Variants in GRIA1 observed in about 807,000 individuals in gnomAD.
The protein encoded by GRIA1 is glutamate receptor 1.
In GRIA1, 31 loss-of-function variants were observed where a neutral mutation model predicts 99.2. The ratio of observed to expected loss-of-function variants is 0.31; its 90% CI spans 0.23 to 0.42. GRIA1 has a LOEUF of 0.42. Ranked by LOEUF, GRIA1 falls within the 10% of genes least tolerant of loss-of-function variation. The probability of loss-of-function intolerance (pLI) is 1.00; values close to 1 mark genes in which losing one functional copy is unlikely to be tolerated. For synonymous variants in GRIA1, 438 were observed against 432.4 expected, an observed-to-expected ratio of 1.01 and a Z score of -0.16; for missense variants, 782 against 1,157.5, an observed-to-expected ratio of 0.68 and a Z score of 4.71.
At chr5:153,712,953 C>T (rs536280281) in intron 11 of GRIA1, among the ~76,000 whole-genome samples, 3 of 152,350 alleles carry the variant, frequency 2.0e-5, no homozygotes, top group African/African-American at 7.2e-5. Context: ...TCCCCACCCA[C>T]TTCTGCCCCA....
At chr5:153,622,868 C>T (rs113265937) in intron 2 of GRIA1, among the ~76,000 whole-genome samples, 1,579 of 152,310 alleles carry the variant, frequency 0.01, 26 homozygotes, top group African/African-American at 0.036. Flanking sequence ...TAGCCTATTA[C>T]TGTTCAAGTT....
chr5:153,497,487 C>T (rs778362653), intron 2 of GRIA1, among the ~76,000 whole-genome samples: 17 of 152,146 alleles, frequency 1.1e-4, no homozygotes, highest in African/African-American at 1.7e-4. Context: ...CTGGGCCAGA[C>T]GCTAGGAATA....
At chr5:153,773,398 T>C (rs1764010910) in intron 13 of GRIA1, among the ~76,000 whole-genome samples, 1 of 152,138 alleles carries the variant, frequency 6.6e-6, no homozygotes, top group Non-Finnish European at 1.5e-5. Flanking sequence ...CCTTTGCACC[T>C]ATTCACATGA....
intron 2 of GRIA1, among the ~76,000 whole-genome samples, chr5:153,606,532 A>C (rs1765452484): frequency 6.6e-6 from 1 of 152,058 alleles, no homozygotes; most frequent in African/African-American, 2.4e-5. Context: ...CCCAGAGCAT[A>C]GTATATTGCT....
intron 12 of GRIA1, among the ~76,000 whole-genome samples, chr5:153,767,960 C>T (rs1210934194): frequency 6.6e-6 from 1 of 152,182 alleles, no homozygotes; most frequent in Non-Finnish European, 1.5e-5. Flanking sequence ...GCTGAGAGGA[C>T]ATATTAATTT....
intron 8 of GRIA1, among the ~76,000 whole-genome samples, chr5:153,687,682 C>A (rs1581471447): frequency 2.0e-5 from 3 of 152,288 alleles, no homozygotes; most frequent in Non-Finnish European, 4.4e-5. Context: ...AGATGTAGAA[C>A]ATTTACATCA....
intron 2 of GRIA1, among the ~76,000 whole-genome samples, chr5:153,546,402 T>G (rs1759622683): frequency 6.6e-6 from 1 of 152,218 alleles, no homozygotes; most frequent in South Asian, 2.1e-4. Context: ...GTTACCTTAC[T>G]TATCAGAAGA....
At chr5:153,494,273 C>T in intron 2 of GRIA1, 2 of 557,516 alleles carry the variant, frequency 3.6e-6, no homozygotes, top group Middle Eastern at 4.8e-4. Flanking sequence ...AATGGATTTG[C>T]TTTTTCACTG....
intron 15 of GRIA1, among the ~76,000 whole-genome samples, chr5:153,806,704 G>T (rs1766452881): frequency 6.6e-6 from 1 of 152,312 alleles, no homozygotes; most frequent in African/African-American, 2.4e-5. Flanking sequence ...GAGAAAGAAG[G>T]GTGGAGGAGA....
At chr5:153,783,202 C>A (rs750623600) in intron 13 of GRIA1, among the ~76,000 whole-genome samples, 1 of 152,232 alleles carries the variant, frequency 6.6e-6, no homozygotes, top group Non-Finnish European at 1.5e-5. Flanking sequence ...ATTGGCCCAG[C>A]TTTTCTTCCT....
intron 8 of GRIA1, among the ~76,000 whole-genome samples, chr5:153,693,106 T>A (rs1034365874): frequency 8.5e-5 from 13 of 152,174 alleles, no homozygotes; most frequent in Admixed American, 1.3e-4. Context: ...GGCTGAGGGT[T>A]CTGGCTAAGA....
chr5:153,684,546 C>A (rs1465547799), intron 7 of GRIA1, among the ~76,000 whole-genome samples: 1 of 152,156 alleles, frequency 6.6e-6, no homozygotes, highest in African/African-American at 2.4e-5. Flanking sequence ...ATGACACTTT[C>A]AGTTTGGGCA....
Position 153,810,509 on chromosome 5 carries a change from G to A in GRIA1, c.2521-516G>A, listed in dbSNP as rs185171370. Among the ~76,000 whole-genome samples the A allele has an allele frequency of 1.1e-4, 16 of 152,270 alleles. No homozygotes were observed. In the East Asian group the frequency reaches 2.3e-3, roughly 22 times the overall value. ...GAACATTTCAAAGCATTTTTCATGCGGTAGCACCATTCTTGCTATAATAAC... is the reference window on the plus strand; with the variant it reads ...GAACATTTCAAAGCATTTTTCATGCAGTAGCACCATTCTTGCTATAATAAC... On this transcript the variant is annotated intron_variant, in intron 15 of 15. Coordinates refer to ENST00000285900, the MANE Select transcript of GRIA1 (RefSeq NM_000827.4).
chr5:153,759,383 A>G (rs538195821), intron 11 of GRIA1, among the ~76,000 whole-genome samples: 1 of 152,068 alleles, frequency 6.6e-6, no homozygotes, highest in Non-Finnish European at 1.5e-5. Context: ...AGACGTTAAA[A>G]TTGATACCAC....
intron 2 of GRIA1, among the ~76,000 whole-genome samples, chr5:153,561,994 G>A (rs768121809): frequency 6.6e-6 from 1 of 152,212 alleles, no homozygotes; most frequent in Non-Finnish European, 1.5e-5. Context: ...AACTATGAAT[G>A]GTGAATAGAG....
intron 10 of GRIA1, among the ~76,000 whole-genome samples, chr5:153,701,607 C>A (rs900586318): frequency 2.8e-5 from 1 of 35,806 alleles, no homozygotes; most frequent in Non-Finnish European, 5.6e-5. Context: ...GGCGACAAAG[C>A]GAGACCCGTC....
At chr5:153,736,270 C>T (rs1022745802) in intron 11 of GRIA1, among the ~76,000 whole-genome samples, 9 of 152,194 alleles carry the variant, frequency 5.9e-5, no homozygotes, top group South Asian at 2.1e-4. Flanking sequence ...AAAGGAGTTA[C>T]GTAATTCTTT....
rs531353316 is a variant in GRIA1 at position 153,778,490 on chromosome 5, G to A, written c.2270+8075G>A. ...TATCCTATTTAATCCTAACAACACC[G>A]TGGAGGTAATATTGTTTTCACCTTC... On this transcript the variant is annotated intron_variant, in intron 13 of 15. Coordinates refer to ENST00000285900, the MANE Select transcript of GRIA1 (RefSeq NM_000827.4). 1.4e-4 allele frequency among the ~76,000 whole-genome samples: 21 copies of A among 152,122 alleles called. 1 individual carries two copies. The South Asian group carries it at 1.5e-3, about 11-fold the overall frequency.
At chr5:153,749,773 A>G (rs1005784146) in intron 11 of GRIA1, among the ~76,000 whole-genome samples, 38 of 151,796 alleles carry the variant, frequency 2.5e-4, no homozygotes, top group African/African-American at 8.0e-4. Flanking sequence ...ATGAATGAAT[A>G]AATGAATGAA....
Sources: allele counts gnomAD v4.1 joint callset (sites outside exome capture counted in the v4.1 genomes callset), GRCh38; gene constraint gnomAD v4.1.1; transcripts MANE v1.5; gene names NCBI Gene and HGNC (gene_info 2026-07-23, HGNC 2026-07-21).